NEO1: variants seen among roughly 807,000 people sequenced by gnomAD.
NEO1 encodes the protein neogenin 1, also known as neogenin.
A neutral mutation model predicts 159.7 loss-of-function variants in NEO1; 63 were observed. The observed-to-expected ratio is 0.39, with a 90% CI of 0.32 to 0.49. The LOEUF is 0.49. NEO1 is among the 20% of genes least tolerant of loss of function. The pLI is 0.85. For missense variants in NEO1, 1,615 were observed against 1,831.0 expected (o/e 0.88, Z 2.15); for synonymous variants, 633 against 662.0 (o/e 0.96, Z 0.67).
intron 7 of NEO1, among the ~76,000 whole-genome samples, chr15:73,211,086 G>A (rs2037530032): frequency 6.6e-6 from 1 of 152,150 alleles, no homozygotes. Context: ...GTACTTCTTT[G>A]AAAGAGGTTG....
chr15:73,068,098 G>A (rs2068316210), intron 1 of NEO1, among the ~76,000 whole-genome samples: 1 of 152,156 alleles, frequency 6.6e-6, no homozygotes, highest in Non-Finnish European at 1.5e-5. Flanking sequence ...GGGAGTAGGG[G>A]CAAGATATAG....
At chr15:73,157,798 T>C (rs1212072422) in intron 5 of NEO1, among the ~76,000 whole-genome samples, 1 of 152,234 alleles carries the variant, frequency 6.6e-6, no homozygotes, top group Non-Finnish European at 1.5e-5. Flanking sequence ...ATTTCTGAAG[T>C]TCTGTAGATC....
At chr15:73,278,937 G>C (rs138093029) in intron 22 of NEO1, among the ~76,000 whole-genome samples, 233 of 152,282 alleles carry the variant, frequency 1.5e-3, no homozygotes, top group African/African-American at 5.3e-3. Context: ...TGGGAACCTA[G>C]AGTGGAAAGT....
intron 7 of NEO1, among the ~76,000 whole-genome samples, chr15:73,232,362 T>A (rs2038955281): frequency 6.6e-6 from 1 of 152,252 alleles, no homozygotes; most frequent in Non-Finnish European, 1.5e-5. Flanking sequence ...TGTGTCTGTA[T>A]AGATTAGTGC....
At chr15:73,104,431 T>C (rs971797305) in intron 1 of NEO1, among the ~76,000 whole-genome samples, 4 of 152,210 alleles carry the variant, frequency 2.6e-5, no homozygotes, top group African/African-American at 7.2e-5. Context: ...ACTTTAGAAA[T>C]AGCAGTGAGA....
rs528390369 is a variant in NEO1 at position 73,289,108 on chromosome 15, G to A, written c.3650-38G>A. On this transcript the variant is annotated intron_variant, in intron 24 of 28. Coordinates refer to ENST00000261908, the MANE Select transcript of NEO1 (RefSeq NM_002499.4). Reference sequence around the variant, plus strand: ...TGTTGAGGCTGCTCAGTGGCATAGGGCACATGCTGGTAACTAACCTCCACG... The same window carrying A: ...TGTTGAGGCTGCTCAGTGGCATAGGACACATGCTGGTAACTAACCTCCACG... The A allele has an allele frequency of 1.9e-6, 3 of 1,562,472 alleles. No homozygotes were observed. In the African/African-American group the frequency reaches 4.1e-5, roughly 21 times the overall value.
At chr15:73,086,781 A>G (rs924737865) in intron 1 of NEO1, among the ~76,000 whole-genome samples, 1 of 125,226 alleles carries the variant, frequency 8.0e-6, no homozygotes, top group Non-Finnish European at 1.6e-5. Context: ...CAGCCTCCTG[A>G]GTAGCTAGGA....
At chr15:73,127,522 G>A (rs959018699) in intron 4 of NEO1, among the ~76,000 whole-genome samples, 2 of 152,120 alleles carry the variant, frequency 1.3e-5, no homozygotes, top group African/African-American at 2.4e-5. Context: ...TAGCACTTCC[G>A]CATTGTGACA....
At position 73,072,021 on chromosome 15, in the gene NEO1, G is replaced by A. The variant is rs185628507; in HGVS notation, c.130+19216G>A. Among the ~76,000 whole-genome samples, 4 of 152,194 alleles carry A rather than the reference G, an allele frequency of 2.6e-5. No homozygotes were observed. The East Asian group carries it at 7.7e-4, about 29-fold the overall frequency. On this transcript the variant is annotated intron_variant, in intron 1 of 28. Coordinates refer to ENST00000261908, the MANE Select transcript of NEO1 (RefSeq NM_002499.4). Reference sequence around the variant, plus strand: ...GCTGAAGTGCAATGGGCCGATCTTGGCCCACTGCAACCTCCGCCTCCCAGG... The same window carrying A: ...GCTGAAGTGCAATGGGCCGATCTTGACCCACTGCAACCTCCGCCTCCCAGG...
intron 2 of NEO1, among the ~76,000 whole-genome samples, chr15:73,119,851 A>G (rs1596046104): frequency 6.6e-6 from 1 of 152,198 alleles, no homozygotes; most frequent in South Asian, 2.1e-4. Context: ...TAAAAATACA[A>G]CTGAGCTGGG....
At chr15:73,186,645 A>G (rs1054165054) in intron 7 of NEO1, among the ~76,000 whole-genome samples, 2 of 152,024 alleles carry the variant, frequency 1.3e-5, no homozygotes, top group Non-Finnish European at 2.9e-5. Context: ...ACCTCTGGCC[A>G]TTATGCAAGG....
At chr15:73,296,393 A>G (rs2042371360) in intron 26 of NEO1, among the ~76,000 whole-genome samples, 1 of 152,140 alleles carries the variant, frequency 6.6e-6, no homozygotes, top group African/African-American at 2.4e-5. Context: ...AGCAAGCCTA[A>G]GAAGATCCTC....
At chr15:73,074,304 G>A (rs747219511) in intron 1 of NEO1, among the ~76,000 whole-genome samples, 7 of 152,088 alleles carry the variant, frequency 4.6e-5, no homozygotes, top group South Asian at 2.1e-4. Flanking sequence ...CCAATTTCTC[G>A]TTATTCAGAG....
Position 73,260,258 on chromosome 15 carries a change from T to G in NEO1, c.2204-13T>G. The G allele has an allele frequency of 6.2e-7, 1 of 1,609,108 alleles. No homozygotes were observed. The highest frequency in any genetic ancestry group is 8.5e-7 in the Non-Finnish European group (1 of 1,176,920). ...AGTATATCTCATCTTGCTTTTCCAC[T>G]TTTCCTTCCCAGAAACTCGTGTTCC... On this transcript the variant is annotated splice_polypyrimidine_tract_variant and intron_variant, in intron 14 of 28. Transcript: ENST00000261908.
intron 1 of NEO1, among the ~76,000 whole-genome samples, chr15:73,054,009 A>G (rs548478661): frequency 8.5e-5 from 13 of 152,356 alleles, no homozygotes; most frequent in African/African-American, 2.4e-4. Context: ...AACGTAAAGT[A>G]CCACTCGGTA....
intron 8 of NEO1, among the ~76,000 whole-genome samples, chr15:73,237,920 A>G (rs1055637756): frequency 4.6e-5 from 7 of 152,168 alleles, no homozygotes; most frequent in Non-Finnish European, 8.8e-5. Flanking sequence ...TCTACCAGAA[A>G]TGCATTTTCC....
At chr15:73,289,263 C>T (rs924985982) in intron 25 of NEO1, 25 bp downstream of exon 25, 1 of 1,586,894 alleles carries the variant, frequency 6.3e-7, no homozygotes. Flanking sequence ...CTCTTTTCCT[C>T]AGTGCTACCA....
chr15:73,271,001 C>A (rs943879468), intron 18 of NEO1, among the ~76,000 whole-genome samples: 24 of 152,210 alleles, frequency 1.6e-4, no homozygotes, highest in African/African-American at 5.1e-4. Context: ...CTTTCTGCTA[C>A]CCCCTGGGCT....
At chr15:73,264,202 A>G (rs1026921693) in intron 15 of NEO1, among the ~76,000 whole-genome samples, 10 of 152,074 alleles carry the variant, frequency 6.6e-5, no homozygotes. Flanking sequence ...AAAAAAAAAA[A>G]TGTCCCTGTA....
Sources: allele counts gnomAD v4.1 joint callset (sites outside exome capture counted in the v4.1 genomes callset), GRCh38; gene constraint gnomAD v4.1.1; transcripts MANE v1.5; gene names NCBI Gene and HGNC (gene_info 2026-07-23, HGNC 2026-07-21).